TMEM150C: variants seen among roughly 807,000 people sequenced by gnomAD.
TMEM150C encodes tentonin 3.
Under a neutral mutation model 29.9 loss-of-function variants are expected in TMEM150C, and 10 were observed. That is an observed-to-expected ratio of 0.33 (90% CI 0.21 to 0.57). The LOEUF (loss-of-function observed/expected upper bound fraction) is 0.57, where lower values mean the gene tolerates loss of function less well. TMEM150C is among the 20% of genes least tolerant of loss of function. TMEM150C has a pLI of 0.88. For synonymous variants in TMEM150C, 101 were observed against 112.5 expected (o/e 0.90, Z 0.64); for missense variants, 251 against 303.6 (o/e 0.83, Z 1.29).
chr4:82,504,144 G>T (rs1031280213), intron 2 of TMEM150C, among the ~76,000 whole-genome samples: 1 of 151,860 alleles, frequency 6.6e-6, no homozygotes, highest in Non-Finnish European at 1.5e-5. Flanking sequence ...TAGCAAGGTT[G>T]AATTAGTAAA....
intron 1 of TMEM150C, among the ~76,000 whole-genome samples, chr4:82,551,254 A>AT (rs1176514584): frequency 1.3e-5 from 2 of 151,930 alleles, no homozygotes; most frequent in South Asian, 2.1e-4. Context: ...CTTTACCATG[A>AT]TTTTTTTTCT....
At chr4:82,528,414 C>G (rs1724724878) in intron 1 of TMEM150C, among the ~76,000 whole-genome samples, 1 of 152,140 alleles carries the variant, frequency 6.6e-6, no homozygotes, top group Non-Finnish European at 1.5e-5. Flanking sequence ...GTGCTCCTGG[C>G]CTGGGGACCA....
intron 1 of TMEM150C, 111 bp downstream of exon 1, chr4:82,561,795 G>A: frequency 9.9e-6 from 8 of 811,012 alleles, no homozygotes; most frequent in Non-Finnish European, 1.0e-5. Flanking sequence ...CCCCAGCCGC[G>A]CTGCAGCCCC....
chr4:82,510,821 C>A (rs1018949609), intron 1 of TMEM150C, among the ~76,000 whole-genome samples: 2 of 152,336 alleles, frequency 1.3e-5, no homozygotes, highest in South Asian at 4.1e-4. Context: ...ATGACCACGA[C>A]TGTCACAGTG....
intron 1 of TMEM150C, among the ~76,000 whole-genome samples, chr4:82,524,542 T>G (rs988283623): frequency 2.0e-5 from 3 of 152,230 alleles, no homozygotes; most frequent in African/African-American, 7.2e-5. Context: ...AGTAATTGTC[T>G]TTATGATGTC....
At chr4:82,556,872 T>A (rs562945791) in intron 1 of TMEM150C, among the ~76,000 whole-genome samples, 13 of 152,334 alleles carry the variant, frequency 8.5e-5, no homozygotes, top group African/African-American at 2.9e-4. Flanking sequence ...GGGGTGTTAA[T>A]ATCTTCAACA....
At chr4:82,505,236 G>T (rs1451812614) in intron 1 of TMEM150C, among the ~76,000 whole-genome samples, 1 of 152,052 alleles carries the variant, frequency 6.6e-6, no homozygotes, top group Non-Finnish European at 1.5e-5. Context: ...TTGTAGAGAT[G>T]GGGTCTAGCT....
In TMEM150C at chr4:82,522,676, G is replaced by A. The variant is rs536623680; in HGVS notation, c.-10-18009C>T. Among the ~76,000 whole-genome samples, 5 of 152,300 alleles carry A rather than the reference G, an allele frequency of 3.3e-5. No individual in the cohort carries two copies. The East Asian group carries it at 5.8e-4, about 18-fold the overall frequency. Reference sequence around the variant, plus strand: ...TCTTCAGGACCATGGAGACAGGTACGGGGACATCTGCAATGTGATTTGCAG... The same window carrying A: ...TCTTCAGGACCATGGAGACAGGTACAGGGACATCTGCAATGTGATTTGCAG... On this transcript the variant is annotated intron_variant, in intron 1 of 7. Transcript: ENST00000449862.
At chr4:82,544,389 C>T (rs1483363200) in intron 1 of TMEM150C, among the ~76,000 whole-genome samples, 1 of 152,206 alleles carries the variant, frequency 6.6e-6, no homozygotes, top group Non-Finnish European at 1.5e-5. Context: ...AGGAAGTTAA[C>T]AGGTATTTAT....
intron 1 of TMEM150C, among the ~76,000 whole-genome samples, chr4:82,510,694 G>A (rs1724095251): frequency 6.6e-6 from 1 of 152,172 alleles, no homozygotes; most frequent in African/African-American, 2.4e-5. Context: ...GGGGTCTTTG[G>A]TTATCTTTTT....
intron 1 of TMEM150C, among the ~76,000 whole-genome samples, chr4:82,505,904 A>G (rs939663007): frequency 6.6e-6 from 1 of 152,222 alleles, no homozygotes; most frequent in Non-Finnish European, 1.5e-5. Flanking sequence ...GACAAAATCT[A>G]TCGGAGACAC....
At chr4:82,530,797 A>G (rs1020946319) in intron 1 of TMEM150C, among the ~76,000 whole-genome samples, 2 of 152,230 alleles carry the variant, frequency 1.3e-5, no homozygotes, top group African/African-American at 4.8e-5. Flanking sequence ...CAGGAAGCAT[A>G]GTAGCTTCTG....
At chr4:82,549,344 G>A (rs905480280) in intron 1 of TMEM150C, among the ~76,000 whole-genome samples, 1 of 152,190 alleles carries the variant, frequency 6.6e-6, no homozygotes, top group Non-Finnish European at 1.5e-5. Context: ...ATTACGCTAG[G>A]TGAAATAAGC....
rs141612326 is a variant in TMEM150C, at chr4:82,523,210, C to T, written c.-10-18543G>A. On this transcript the variant is annotated intron_variant, in intron 1 of 7. Coordinates refer to ENST00000449862, the MANE Select transcript of TMEM150C (RefSeq NM_001080506.3). ...GAAAGGCAGAAGGAAGAGGCTCCCC[C>T]GTACACAGCCAGAGGGATGGGGGCG... 7.2e-3 allele frequency among the ~76,000 whole-genome samples: 1,103 copies of T among 152,184 alleles called. 7 individuals carry two copies. Among genetic ancestry groups the T allele is most frequent in the Middle Eastern group, 0.02 (6 of 294 alleles).
rs530142113 is a variant in TMEM150C, at chr4:82,519,564, T to A, written c.-10-14897A>T. 2.2e-4 allele frequency among the ~76,000 whole-genome samples: 34 copies of A among 152,220 alleles called. No homozygotes were observed. The South Asian group carries it at 6.8e-3, about 31-fold the overall frequency. On this transcript the variant is annotated intron_variant, in intron 1 of 7. Coordinates refer to ENST00000449862, the MANE Select transcript of TMEM150C (RefSeq NM_001080506.3). ...CCTCAGCCTCCCCAAGTAGCTGGGA[T>A]CACAGGCACGTGTGACCACGCCCAG...
intron 1 of TMEM150C, among the ~76,000 whole-genome samples, chr4:82,506,949 A>G (rs1440661699): frequency 6.6e-6 from 1 of 152,174 alleles, no homozygotes; most frequent in Non-Finnish European, 1.5e-5. Flanking sequence ...CTGGTTCCCA[A>G]CCTCGGCTTT....
At position 82,483,495 on chromosome 4, in the gene TMEM150C, AT is replaced by A. The variant is rs1296285967; in HGVS notation, c.*2015del. On this transcript the variant is annotated 3_prime_UTR_variant, in exon 8 of 8. Coordinates refer to ENST00000449862, the MANE Select transcript of TMEM150C (RefSeq NM_001080506.3). ...GTTCTCAGCTTGTTCTTTTCCTCACATTTTACTTACAGGGATTCTCACTCCC... is the reference window on the plus strand; with the variant it reads ...GTTCTCAGCTTGTTCTTTTCCTCACATTTACTTACAGGGATTCTCACTCCC... 2.6e-5 allele frequency: 4 copies of A among 152,204 alleles called. No individual in the cohort carries two copies. The highest frequency in any genetic ancestry group is 9.6e-5 in the African/African-American group (4 of 41,520). 9.4% of individuals were successfully genotyped at this position (152,204 alleles called of 1,614,324 possible). A position where few individuals can be genotyped will look rare whatever the true frequency, so the allele number is the denominator to read the frequency against.
intron 1 of TMEM150C, among the ~76,000 whole-genome samples, chr4:82,557,196 A>G (rs1214350547): frequency 3.9e-5 from 6 of 152,240 alleles, no homozygotes; most frequent in African/African-American, 1.4e-4. Flanking sequence ...GCTAAATCAA[A>G]TCCCATTTTA....
intron 1 of TMEM150C, among the ~76,000 whole-genome samples, 176 bp downstream of exon 1, chr4:82,561,730 G>T (rs1221254408): frequency 2.0e-5 from 3 of 147,130 alleles, no homozygotes; most frequent in Non-Finnish European, 3.0e-5. Flanking sequence ...CGCCCGGGAC[G>T]CTATGGGAGG....
Sources: allele counts gnomAD v4.1 joint callset (sites outside exome capture counted in the v4.1 genomes callset), GRCh38; gene constraint gnomAD v4.1.1; transcripts MANE v1.5; gene names NCBI Gene and HGNC (gene_info 2026-07-23, HGNC 2026-07-21).